FHIT: variants seen among roughly 807,000 people sequenced by gnomAD.
The protein encoded by FHIT is fragile histidine triad diadenosine triphosphatase, also known as bis(5'-adenosyl)-triphosphatase.
A neutral mutation model predicts 17.9 loss-of-function variants in FHIT; 19 were observed. The ratio of observed to expected loss-of-function variants is 1.06; its 90% CI spans 0.74 to 1.56. The LOEUF (loss-of-function observed/expected upper bound fraction) is 1.56. Ranked by LOEUF, FHIT falls within the 40% of genes most tolerant of loss-of-function variation. The pLI, the probability that FHIT is intolerant of heterozygous loss-of-function variation, is 0.00. For missense variants in FHIT, 248 were observed against 189.2 expected (o/e 1.31, Z -1.82); for synonymous variants, 81 against 69.7 (o/e 1.16, Z -0.81).
chr3:60,514,738 C>T (rs2035085731), intron 5 of FHIT, among the ~76,000 whole-genome samples: 1 of 152,086 alleles, frequency 6.6e-6, no homozygotes, highest in Non-Finnish European at 1.5e-5. Flanking sequence ...ATTTTGCCTC[C>T]AATGTCAGTA....
rs183136407 is a variant in FHIT at position 61,208,779 on chromosome 3, A to G, written c.-212-8114T>C. On this transcript the variant is annotated intron_variant, in intron 1 of 9. Transcript: ENST00000492590. The stretch of plus-strand genomic sequence containing the variant: ...TCTTGACTCTTTATCCAATTTGCCA[A>G]TCTGTGTCTTTTAATTGGAGCATTT... Among the ~76,000 whole-genome samples the G allele has an allele frequency of 6.4e-4, 98 of 151,974 alleles. 2 individuals are homozygous for G. The highest frequency in any genetic ancestry group is 1.6e-3 in the African/African-American group (68 of 41,492).
chr3:60,228,598 T>C (rs1334591946), intron 5 of FHIT, among the ~76,000 whole-genome samples: 1 of 152,206 alleles, frequency 6.6e-6, no homozygotes, highest in Non-Finnish European at 1.5e-5. Flanking sequence ...AAGCCTAAGT[T>C]TCTACATGTA....
chr3:60,659,879 A>G (rs1219433293), intron 4 of FHIT, among the ~76,000 whole-genome samples: 1 of 152,142 alleles, frequency 6.6e-6, no homozygotes, highest in African/African-American at 2.4e-5. Context: ...ACATTGAAAT[A>G]AAATAATGTG....
At chr3:61,209,604 C>T (rs1284801595) in intron 1 of FHIT, among the ~76,000 whole-genome samples, 8 of 152,174 alleles carry the variant, frequency 5.3e-5, no homozygotes, top group African/African-American at 1.4e-4. Context: ...TTGATCGCAT[C>T]GGCTACTGAG....
chr3:60,495,567 T>C (rs1233582332), intron 5 of FHIT, among the ~76,000 whole-genome samples: 1 of 152,024 alleles, frequency 6.6e-6, no homozygotes, highest in African/African-American at 2.4e-5. Flanking sequence ...ATTCTACATA[T>C]GCATTAAAAA....
At chr3:60,896,753 A>G (rs1420739848) in intron 3 of FHIT, among the ~76,000 whole-genome samples, 1 of 152,112 alleles carries the variant, frequency 6.6e-6, no homozygotes, top group African/African-American at 2.4e-5. Context: ...CATCCATTTG[A>G]TATATAGTTA....
intron 3 of FHIT, among the ~76,000 whole-genome samples, chr3:60,843,613 G>A (rs1220984628): frequency 6.6e-6 from 1 of 152,192 alleles, no homozygotes; most frequent in African/African-American, 2.4e-5. Context: ...GCTAACAGCA[G>A]GGACACCTGG....
At chr3:60,495,605 T>C (rs1323853106) in intron 5 of FHIT, among the ~76,000 whole-genome samples, 2 of 151,972 alleles carry the variant, frequency 1.3e-5, no homozygotes, top group Non-Finnish European at 2.9e-5. Flanking sequence ...AAACCTACAT[T>C]GTGTTCATAA....
chr3:60,440,736 T>C (rs1021166164), intron 5 of FHIT, among the ~76,000 whole-genome samples: 14 of 152,114 alleles, frequency 9.2e-5, no homozygotes, highest in Non-Finnish European at 1.9e-4. Flanking sequence ...TTCTGCAATA[T>C]TCAGTGGGGC....
rs542071364 is a variant in FHIT at position 61,089,797 on chromosome 3, G to A, written c.-163-47698C>T. On this transcript the variant is annotated intron_variant, in intron 2 of 9. Coordinates refer to ENST00000492590, the MANE Select transcript of FHIT (RefSeq NM_002012.4). ...CCAAAGAGTAGAAACTATAAGAAGA[G>A]AGATTTCAATTTGACATAAGAAAAA... 8.5e-5 allele frequency among the ~76,000 whole-genome samples: 13 copies of A among 152,272 alleles called. No individual in the cohort carries two copies. In the South Asian group the frequency reaches 2.7e-3, roughly 32 times the overall value.
chr3:60,206,125 T>G (rs1703163484), intron 5 of FHIT, among the ~76,000 whole-genome samples: 2 of 131,066 alleles, frequency 1.5e-5, no homozygotes, highest in Non-Finnish European at 3.3e-5. Flanking sequence ...ACAGCGAGAC[T>G]CCGTCTCAAA....
chr3:60,266,556 T>A (rs1706586722), intron 5 of FHIT, among the ~76,000 whole-genome samples: 1 of 152,054 alleles, frequency 6.6e-6, no homozygotes, highest in Admixed American at 6.6e-5. Context: ...ATGCTACATA[T>A]ATTATATCTC....
At chr3:60,576,745 G>A (rs1003500623) in intron 4 of FHIT, among the ~76,000 whole-genome samples, 20 of 152,064 alleles carry the variant, frequency 1.3e-4, no homozygotes, top group African/African-American at 3.9e-4. Flanking sequence ...ACAATCAGCC[G>A]GGGCAGGGGA....
At chr3:61,199,313 C>T (rs1198252104) in intron 2 of FHIT, among the ~76,000 whole-genome samples, 1 of 152,168 alleles carries the variant, frequency 6.6e-6, no homozygotes, top group Non-Finnish European at 1.5e-5. Context: ...ACCACCAAAT[C>T]CAATTATTCA....
At chr3:60,645,102 A>C (rs1217115412) in intron 4 of FHIT, among the ~76,000 whole-genome samples, 1 of 152,056 alleles carries the variant, frequency 6.6e-6, no homozygotes, top group Non-Finnish European at 1.5e-5. Context: ...TCATCTAGGC[A>C]TCTGCCTTGG....
intron 5 of FHIT, among the ~76,000 whole-genome samples, chr3:60,170,415 A>G (rs1701365336): frequency 6.6e-6 from 1 of 152,174 alleles, no homozygotes; most frequent in Non-Finnish European, 1.5e-5. Context: ...GGCTGAAGTT[A>G]CTTTGACATG....
At chr3:60,855,136 T>G (rs115870842) in intron 3 of FHIT, among the ~76,000 whole-genome samples, 6 of 152,268 alleles carry the variant, frequency 3.9e-5, no homozygotes, top group Non-Finnish European at 7.4e-5. Context: ...TGTGACAAAA[T>G]GTATTCTCCT....
At chr3:60,488,392 T>C (rs1276192158) in intron 5 of FHIT, among the ~76,000 whole-genome samples, 1 of 152,186 alleles carries the variant, frequency 6.6e-6, no homozygotes, top group African/African-American at 2.4e-5. Context: ...TTCAAGATAC[T>C]TTTCTCTTGT....
At chr3:60,559,155 G>A (rs1462186877) in intron 4 of FHIT, among the ~76,000 whole-genome samples, 1 of 152,064 alleles carries the variant, frequency 6.6e-6, no homozygotes, top group Non-Finnish European at 1.5e-5. Flanking sequence ...TTAGTAAATG[G>A]CAAGCTTCTT....
Sources: gnomAD v4.1 joint callset for allele counts (sites outside exome capture counted in the v4.1 genomes callset) on GRCh38, gnomAD v4.1.1 for gene constraint, MANE v1.5 for transcripts, NCBI Gene and HGNC (gene_info 2026-07-23, HGNC 2026-07-21) for gene names.